The following TAF3 variants were observed in gnomAD, a reference collection of about 807,000 sequenced individuals.
The protein encoded by TAF3 is transcription initiation factor TFIID subunit 3.
A neutral mutation model predicts 80.6 loss-of-function variants in TAF3; 7 were observed. The observed-to-expected ratio is 0.09, with a 90% CI of 0.05 to 0.16. The LOEUF is 0.16. TAF3 is among the 10% of genes least tolerant of loss of function. TAF3 has a pLI of 1.00. For synonymous variants in TAF3, 444 were observed against 446.1 expected (o/e 1.00, Z 0.06); for missense variants, 921 against 1,140.2 (o/e 0.81, Z 2.77).
Position 7,956,677 on chromosome 10 carries a change from C to T in TAF3, c.410-7243C>T, listed in dbSNP as rs76269404. ...CTCTAGCTGTGGTGATGAATTTGTGCTGAGTCATTCATGATTTCACATCAT... is the reference window on the plus strand; with the variant it reads ...CTCTAGCTGTGGTGATGAATTTGTGTTGAGTCATTCATGATTTCACATCAT... On this transcript the variant is annotated intron_variant, in intron 2 of 6. Transcript: ENST00000344293. Among the ~76,000 whole-genome samples, 1,274 of 152,230 alleles carry T rather than the reference C, an allele frequency of 8.4e-3. 17 individuals carry two copies. Among genetic ancestry groups the T allele is most frequent in the African/African-American group, 0.028 (1,142 of 41,522 alleles).
rs138625993 is a variant in TAF3 at position 7,824,401 on chromosome 10, A to T, written c.250A>T (p.Ile84Phe). 4.3e-6 allele frequency: 7 copies of T among 1,614,204 alleles called. No homozygotes were observed. In the South Asian group the frequency reaches 7.7e-5, roughly 18 times the overall value. ...GVSLHELEDY[I>F]HNIEPVTFPH... Reference sequence around the variant, plus strand: ...TAGTCTACATGAACTAGAAGACTATATTCACAACATTGAGCCTGTCACCTT... The same window carrying T: ...TAGTCTACATGAACTAGAAGACTATTTTCACAACATTGAGCCTGTCACCTT... Residue 84 changes from isoleucine (I) to phenylalanine (F), a missense_variant, in exon 2 of 7, where the codon ATT (isoleucine) becomes TTT (phenylalanine). By Grantham distance (21) the Ile-to-Phe change is conservative. Coordinates refer to ENST00000344293, the MANE Select transcript of TAF3 (RefSeq NM_031923.4).
chr10:7,965,607 A>G lies in TAF3; in HGVS notation c.2097A>G (p.Lys699=). 6.2e-7 allele frequency: 1 copy of G among 1,602,004 alleles called. No individual in the cohort carries two copies. Among genetic ancestry groups the G allele is most frequent in the Non-Finnish European group, 8.5e-7 (1 of 1,176,862 alleles). The change falls in exon 3 of 7, where the codon AAA becomes AAG. Residue 699 remains lysine, a synonymous_variant. Transcript: ENST00000344293. ...LFEEKEKVKE[K]EKKKDKKEKK... ...AGGAGAAAGAGAAGGTGAAGGAGAA[A>G]GAAAAGAAAAAGGACAAAAAGGAGA...
chr10:7,993,635 AGATTT>A (rs1314218681), intron 4 of TAF3, among the ~76,000 whole-genome samples: 1 of 152,172 alleles, frequency 6.6e-6, no homozygotes, highest in Non-Finnish European at 1.5e-5. Flanking sequence ...GTGCTTGATT[AGATTT>A]AAGTTCATTC....
At chr10:8,007,207 A>G (rs1832003010) in intron 4 of TAF3, among the ~76,000 whole-genome samples, 1 of 152,222 alleles carries the variant, frequency 6.6e-6, no homozygotes, top group African/African-American at 2.4e-5. Context: ...TATAGTAATT[A>G]GAATAAATAA....
intron 2 of TAF3, among the ~76,000 whole-genome samples, chr10:7,952,021 A>G (rs1224403740): frequency 6.6e-6 from 1 of 152,182 alleles, no homozygotes; most frequent in Non-Finnish European, 1.5e-5. Flanking sequence ...GAACAATACT[A>G]TTGTCTGTAA....
At position 7,824,578 on chromosome 10, in the gene TAF3, C is replaced by T. The variant is rs1836723104; in HGVS notation, c.409+18C>T. On this transcript the variant is annotated intron_variant, in intron 2 of 6. Coordinates refer to ENST00000344293, the MANE Select transcript of TAF3 (RefSeq NM_031923.4). ...TCAAGAAGGTTTGTGAGTGTTTCTTCTTCATATGTTAGTGATTATTTTAAT... is the reference window on the plus strand; with the variant it reads ...TCAAGAAGGTTTGTGAGTGTTTCTTTTTCATATGTTAGTGATTATTTTAAT... The T allele has an allele frequency of 6.2e-7, 1 of 1,611,238 alleles. No individual in the cohort carries two copies. The highest frequency in any genetic ancestry group is 8.5e-7 in the Non-Finnish European group (1 of 1,177,912).
intron 2 of TAF3, among the ~76,000 whole-genome samples, chr10:7,857,236 C>T (rs1465025379): frequency 6.6e-6 from 1 of 152,208 alleles, no homozygotes; most frequent in East Asian, 1.9e-4. Context: ...AGAATATTTC[C>T]TCAGCTGTTT....
intron 4 of TAF3, among the ~76,000 whole-genome samples, chr10:8,005,087 T>C (rs1012734065): frequency 8.5e-5 from 13 of 152,232 alleles, no homozygotes; most frequent in African/African-American, 2.4e-5. Flanking sequence ...GTTTGGTTCT[T>C]TTCAAATCCA....
At chr10:7,987,646 A>T (rs1367819653) in intron 4 of TAF3, among the ~76,000 whole-genome samples, 1 of 152,218 alleles carries the variant, frequency 6.6e-6, no homozygotes, top group African/African-American at 2.4e-5. Flanking sequence ...TAAAATTCTC[A>T]CCAGCCGTAC....
chr10:7,862,885 G>T (rs1041984799), intron 2 of TAF3, among the ~76,000 whole-genome samples: 3 of 151,952 alleles, frequency 2.0e-5, no homozygotes, highest in Non-Finnish European at 2.9e-5. Context: ...CCTTTTTATT[G>T]TTGAGTATTG....
intron 2 of TAF3, among the ~76,000 whole-genome samples, chr10:7,912,918 A>G (rs551144359): frequency 9.9e-5 from 15 of 152,240 alleles, no homozygotes; most frequent in Admixed American, 1.3e-4. Context: ...TCGGGCTGCC[A>G]TCACAAAATG....
intron 2 of TAF3, among the ~76,000 whole-genome samples, chr10:7,830,866 T>C (rs150861012): frequency 2.0e-4 from 31 of 152,334 alleles, no homozygotes; most frequent in African/African-American, 7.5e-4. Context: ...CTGGGTTGTT[T>C]GATCTGCAGA....
intron 2 of TAF3, among the ~76,000 whole-genome samples, chr10:7,957,062 G>A (rs754986155): frequency 5.3e-5 from 8 of 152,036 alleles, no homozygotes; most frequent in Admixed American, 1.3e-4. Flanking sequence ...ATTCTCACAC[G>A]TGGGAAAAGC....
chr10:7,847,108 A>G (rs1049799418), intron 2 of TAF3, among the ~76,000 whole-genome samples: 1 of 152,238 alleles, frequency 6.6e-6, no homozygotes, highest in African/African-American at 2.4e-5. Flanking sequence ...ATGCAAAGAG[A>G]TAGCATTTCT....
intron 4 of TAF3, among the ~76,000 whole-genome samples, chr10:7,983,672 G>A (rs532565602): frequency 5.3e-5 from 8 of 152,042 alleles, no homozygotes; most frequent in East Asian, 1.9e-4. Flanking sequence ...TTTTGCCTAC[G>A]TTAAAAGCTA....
intron 2 of TAF3, among the ~76,000 whole-genome samples, chr10:7,936,123 C>T (rs1397369042): frequency 6.6e-6 from 1 of 152,130 alleles, no homozygotes. Context: ...TCAAATAACA[C>T]GTGAACCCAG....
intron 2 of TAF3, among the ~76,000 whole-genome samples, chr10:7,876,634 A>G (rs1301208613): frequency 1.3e-5 from 2 of 152,152 alleles, no homozygotes; most frequent in African/African-American, 2.4e-5. Context: ...GTCAGTGGTT[A>G]TGTGACAGTT....
chr10:7,961,640 T>C (rs1199772441), intron 2 of TAF3, among the ~76,000 whole-genome samples: 1 of 152,174 alleles, frequency 6.6e-6, no homozygotes, highest in Non-Finnish European at 1.5e-5. Context: ...ACTTTAGTTA[T>C]CTCAACAACA....
Position 7,880,950 on chromosome 10 carries a change from CTT to C in TAF3, c.409+56391_409+56392del, listed in dbSNP as rs544372770. Among the ~76,000 whole-genome samples, 1,205 of 152,220 alleles carry C rather than the reference CTT, an allele frequency of 7.9e-3. 11 individuals carry two copies. The highest frequency in any genetic ancestry group is 0.013 in the Non-Finnish European group (863 of 67,980). Reference sequence around the variant, plus strand: ...ATGATTCACATTACAAAAGGATTCTCTTAGCCCAAGCATGGTGGCTCATGCCT... The same window carrying C: ...ATGATTCACATTACAAAAGGATTCTCAGCCCAAGCATGGTGGCTCATGCCT... On this transcript the variant is annotated intron_variant, in intron 2 of 6. Coordinates refer to ENST00000344293, the MANE Select transcript of TAF3 (RefSeq NM_031923.4).
Sources: allele counts gnomAD v4.1 joint callset (sites outside exome capture counted in the v4.1 genomes callset), GRCh38; gene constraint gnomAD v4.1.1; transcripts MANE v1.5; gene names NCBI Gene and HGNC (gene_info 2026-07-23, HGNC 2026-07-21).